The following KLHL20 variants were observed in gnomAD, a reference collection of about 807,000 sequenced individuals.
KLHL20 encodes the protein kelch like family member 20.
A neutral mutation model predicts 69.5 loss-of-function variants in KLHL20; 29 were observed. The observed-to-expected ratio is 0.42, with a 90% CI of 0.31 to 0.57. The LOEUF is 0.57. Among genes scored for constraint, KLHL20 ranks in the 20% least tolerant of loss-of-function variants. The pLI is 0.18. For synonymous variants in KLHL20, 253 were observed against 265.2 expected (o/e 0.95, Z 0.45); for missense variants, 419 against 776.0 (o/e 0.54, Z 5.47).
chr1:173,736,094 A>G (rs1399040006), intron 3 of KLHL20, among the ~76,000 whole-genome samples: 1 of 151,706 alleles, frequency 6.6e-6, no homozygotes, highest in Non-Finnish European at 1.5e-5. Flanking sequence ...CTATAGGTAC[A>G]TGCCACCATG....
intron 7 of KLHL20, among the ~76,000 whole-genome samples, chr1:173,765,415 A>G (rs1271402327): frequency 6.6e-6 from 1 of 152,088 alleles, no homozygotes; most frequent in Non-Finnish European, 1.5e-5. Flanking sequence ...ACGCAGGAGA[A>G]TGGCGTGAAC....
At chr1:173,770,262 T>C (rs1648000055) in intron 8 of KLHL20, among the ~76,000 whole-genome samples, 1 of 151,712 alleles carries the variant, frequency 6.6e-6, no homozygotes, top group Non-Finnish European at 1.5e-5. Flanking sequence ...GTAGAAAAAT[T>C]CAGAAATGAA....
At chr1:173,747,740 T>A (rs1214909781) in intron 3 of KLHL20, among the ~76,000 whole-genome samples, 1 of 152,042 alleles carries the variant, frequency 6.6e-6, no homozygotes, top group Non-Finnish European at 1.5e-5. Flanking sequence ...CTATGTGGAA[T>A]CTTCTTTGCT....
chr1:173,772,252 C>T (rs1179042377), intron 8 of KLHL20, among the ~76,000 whole-genome samples: 2 of 152,152 alleles, frequency 1.3e-5, no homozygotes, highest in African/African-American at 4.8e-5. Context: ...GCAGATGAGT[C>T]TGTACCCTTT....
intron 3 of KLHL20, among the ~76,000 whole-genome samples, chr1:173,738,215 T>G (rs376371935): frequency 3.3e-4 from 51 of 152,300 alleles, no homozygotes; most frequent in African/African-American, 1.1e-3. Flanking sequence ...TTTGTTTGTT[T>G]GTTATAAGAG....
chr1:173,736,402 A>G (rs1459749090), intron 3 of KLHL20, among the ~76,000 whole-genome samples: 1 of 152,126 alleles, frequency 6.6e-6, no homozygotes, highest in African/African-American at 2.4e-5. Context: ...TGCACATGCA[A>G]GTGTCTTTTT....
At position 173,774,589 on chromosome 1, in the gene KLHL20, C is replaced by A. The variant is rs1304637067; in HGVS notation, c.1429+151C>A. 2.9e-5 allele frequency: 21 copies of A among 713,234 alleles called. 1 individual carries two copies. The South Asian group carries it at 3.9e-4, about 13-fold the overall frequency. 44.2% of individuals were successfully genotyped at this position (713,234 alleles called of 1,614,324 possible). A position where few individuals can be genotyped will look rare whatever the true frequency, so the allele number is the denominator to read the frequency against. ...CTCCAGCAGAGTGCAGCTCTCAGCTCTTCCTCAGCTCCCACTGTAGTCATA... is the reference window on the plus strand; with the variant it reads ...CTCCAGCAGAGTGCAGCTCTCAGCTATTCCTCAGCTCCCACTGTAGTCATA... On this transcript the variant is annotated intron_variant, in intron 9 of 11. Transcript: ENST00000209884.
At chr1:173,742,863 C>T (rs568605944) in intron 3 of KLHL20, among the ~76,000 whole-genome samples, 6 of 151,616 alleles carry the variant, frequency 4.0e-5, no homozygotes, top group East Asian at 1.9e-4. Context: ...CATTTTGGTA[C>T]TACAGAAGAA....
chr1:173,776,408 A>G (rs1648475132), intron 10 of KLHL20, among the ~76,000 whole-genome samples: 1 of 151,992 alleles, frequency 6.6e-6, no homozygotes. Context: ...TTTGCTGTGC[A>G]GAAGCTTTTT....
At chr1:173,782,047 T>C in intron 10 of KLHL20, 77 bp from the exon 11 acceptor site, 1 of 984,670 alleles carries the variant, frequency 1.0e-6, no homozygotes, top group Non-Finnish European at 1.6e-6. Context: ...TGTAAATAGA[T>C]TTATCTAGAA....
intron 7 of KLHL20, among the ~76,000 whole-genome samples, chr1:173,757,481 G>T (rs1267225544): frequency 1.3e-5 from 2 of 151,096 alleles, no homozygotes; most frequent in Non-Finnish European, 1.5e-5. Flanking sequence ...TTTTTTCCCT[G>T]GGATACTTCT....
At chr1:173,780,825 G>A (rs1648816117) in intron 10 of KLHL20, among the ~76,000 whole-genome samples, 1 of 151,890 alleles carries the variant, frequency 6.6e-6, no homozygotes, top group African/African-American at 2.4e-5. Context: ...CACCTCCCGG[G>A]CTCAAGTGAT....
intron 10 of KLHL20, among the ~76,000 whole-genome samples, chr1:173,781,736 G>T (rs1558228024): frequency 6.6e-6 from 1 of 152,140 alleles, no homozygotes; most frequent in Non-Finnish European, 1.5e-5. Context: ...CCAAAGTGCT[G>T]GGATTACAGG....
chr1:173,717,108 A>G (rs1340554891), intron 2 of KLHL20, among the ~76,000 whole-genome samples: 1 of 152,226 alleles, frequency 6.6e-6, no homozygotes, highest in African/African-American at 2.4e-5. Context: ...GTACATGAAA[A>G]AATTAACAAC....
chr1:173,740,323 C>G (rs1052160826), intron 3 of KLHL20, among the ~76,000 whole-genome samples: 3 of 151,288 alleles, frequency 2.0e-5, no homozygotes, highest in African/African-American at 7.3e-5. Context: ...GGGGTTTCAC[C>G]GTGGTCTTGA....
chr1:173,730,031 C>T (rs1672181827), intron 2 of KLHL20, among the ~76,000 whole-genome samples: 1 of 152,172 alleles, frequency 6.6e-6, no homozygotes, highest in Non-Finnish European at 1.5e-5. Flanking sequence ...TCTCAGGATA[C>T]AAAATCAGTG....
chr1:173,781,258 C>T (rs185592140), intron 10 of KLHL20, among the ~76,000 whole-genome samples: 12 of 152,166 alleles, frequency 7.9e-5, no homozygotes, highest in African/African-American at 2.9e-4. Flanking sequence ...GCCTGAGTAA[C>T]ATAATAAGGA....
chr1:173,784,148 ACAGTACCATAC>A (rs752908980), intron 11 of KLHL20, among the ~76,000 whole-genome samples: 5 of 152,194 alleles, frequency 3.3e-5, no homozygotes, highest in African/African-American at 4.8e-5. Flanking sequence ...AGGGAGACAA[ACAGTACCATAC>A]CAGTAGATGG....
At chr1:173,716,091 T>C in intron 2 of KLHL20, 25 bp downstream of exon 2, 1 of 1,609,928 alleles carries the variant, frequency 6.2e-7, no homozygotes, top group Non-Finnish European at 8.5e-7. Flanking sequence ...AGAAAACCTT[T>C]GGTTTCACTG....
Sources: gnomAD v4.1 joint callset for allele counts (sites outside exome capture counted in the v4.1 genomes callset) on GRCh38, gnomAD v4.1.1 for gene constraint, MANE v1.5 for transcripts, NCBI Gene and HGNC (gene_info 2026-07-23, HGNC 2026-07-21) for gene names.